Variants in DAPK1 observed in about 807,000 individuals in gnomAD.
The protein encoded by DAPK1 is death associated protein kinase 1.
Under a neutral mutation model 144.9 loss-of-function variants are expected in DAPK1, and 56 were observed. The ratio of observed to expected loss-of-function variants is 0.39; its 90% CI spans 0.31 to 0.48. The LOEUF is 0.48. Ranked by LOEUF, DAPK1 falls within the 20% of genes least tolerant of loss-of-function variation. The probability of loss-of-function intolerance (pLI) is 0.95; values close to 1 mark genes in which losing one functional copy is unlikely to be tolerated. For synonymous variants in DAPK1, 690 were observed against 749.0 expected (o/e 0.92, Z 1.29); for missense variants, 1,454 against 1,875.4 (o/e 0.78, Z 4.15).
chr9:87,696,202 G>A (rs979483588), intron 21 of DAPK1, among the ~76,000 whole-genome samples: 3 of 151,584 alleles, frequency 2.0e-5, no homozygotes, highest in Non-Finnish European at 4.4e-5. Flanking sequence ...TAAGCACCCA[G>A]GCATGCACAT....
intron 2 of DAPK1, among the ~76,000 whole-genome samples, chr9:87,516,211 T>G (rs1440355567): frequency 6.6e-6 from 1 of 152,146 alleles, no homozygotes; most frequent in Non-Finnish European, 1.5e-5. Context: ...ATTACTCCAA[T>G]TTTTCCCTTG....
rs190201454 is a variant in DAPK1 at position 87,701,485 on chromosome 9, G to A, written c.2871+1248G>A. On this transcript the variant is annotated intron_variant, in intron 24 of 25. Transcript: ENST00000408954. The stretch of plus-strand genomic sequence containing the variant: ...AATTTTTTTCTAGCAAACAAATTAA[G>A]TAAACAAAGTTGAAAGGTGAAATAG... 1.1e-4 allele frequency among the ~76,000 whole-genome samples: 17 copies of A among 152,164 alleles called. No homozygotes were observed. In the East Asian group the frequency reaches 2.3e-3, roughly 21 times the overall value.
At chr9:87,583,494 A>G (rs1196816879) in intron 2 of DAPK1, among the ~76,000 whole-genome samples, 2 of 152,256 alleles carry the variant, frequency 1.3e-5, no homozygotes, top group African/African-American at 4.8e-5. Flanking sequence ...AATGAATATC[A>G]GTACTGTGAT....
chr9:87,583,506 A>G (rs1827826103), intron 2 of DAPK1, among the ~76,000 whole-genome samples: 1 of 152,256 alleles, frequency 6.6e-6, no homozygotes, highest in African/African-American at 2.4e-5. Flanking sequence ...TACTGTGATC[A>G]CTTGAAAGTG....
intron 2 of DAPK1, among the ~76,000 whole-genome samples, chr9:87,578,530 C>G (rs1477911960): frequency 6.6e-6 from 1 of 152,302 alleles, no homozygotes; most frequent in Admixed American, 6.5e-5. Context: ...AAGTTATAAA[C>G]ATTTTAAAGG....
chr9:87,628,516 T>C (rs1009764954), intron 3 of DAPK1, among the ~76,000 whole-genome samples: 4 of 152,166 alleles, frequency 2.6e-5, no homozygotes, highest in African/African-American at 9.7e-5. Context: ...TTCAGCAAAG[T>C]CCTCCAGTGA....
chr9:87,582,645 C>T (rs981100038), intron 2 of DAPK1, among the ~76,000 whole-genome samples: 14 of 151,688 alleles, frequency 9.2e-5, no homozygotes, highest in Non-Finnish European at 1.8e-4. Context: ...ACCTCCGCCT[C>T]CCAGGTTCAA....
At chr9:87,587,195 G>A (rs1010493421) in intron 2 of DAPK1, among the ~76,000 whole-genome samples, 2 of 152,188 alleles carry the variant, frequency 1.3e-5, no homozygotes, top group African/African-American at 4.8e-5. Flanking sequence ...GAAACTCTCC[G>A]CCATGTTCTC....
Position 87,632,810 on chromosome 9 carries a change from A to C in DAPK1, c.285-5133A>C, listed in dbSNP as rs923487688. The C allele has an allele frequency of 1.5e-5, 15 of 980,580 alleles. 1 individual carries two copies. The African/African-American group carries it at 2.6e-4, about 17-fold the overall frequency. The allele number at this position is 980,580 out of a possible 1,614,324, so 60.7% of individuals were successfully genotyped here. On this transcript the variant is annotated intron_variant, in intron 3 of 25. Coordinates refer to ENST00000408954, the MANE Select transcript of DAPK1 (RefSeq NM_004938.4). ...AGAATCAGTGTATATGTAGGGATGAAGGAGGTTGAGTACATATGTAGGTAT... is the reference window on the plus strand; with the variant it reads ...AGAATCAGTGTATATGTAGGGATGACGGAGGTTGAGTACATATGTAGGTAT...
intron 2 of DAPK1, among the ~76,000 whole-genome samples, chr9:87,542,046 G>A (rs561141583): frequency 1.3e-4 from 20 of 152,264 alleles, no homozygotes; most frequent in African/African-American, 4.1e-4. Flanking sequence ...ATAAACCCTC[G>A]GTTCTGATGA....
chr9:87,705,066 A>G (rs1406096265), intron 25 of DAPK1, among the ~76,000 whole-genome samples: 1 of 151,870 alleles, frequency 6.6e-6, no homozygotes, highest in African/African-American at 2.4e-5. Flanking sequence ...TCATGGCAGC[A>G]TATCCTTTCA....
intron 2 of DAPK1, chr9:87,499,393 A>G: frequency 2.1e-6 from 1 of 472,118 alleles, no homozygotes; most frequent in East Asian, 2.9e-5. Context: ...GGACAAAATC[A>G]GATTTAATTG....
At chr9:87,668,790 G>A in intron 19 of DAPK1, 116 bp downstream of exon 19, 5 of 755,422 alleles carry the variant, frequency 6.6e-6, no homozygotes, top group Non-Finnish European at 9.5e-6. Context: ...CAGGTTTTAG[G>A]AACAGTGGTC....
At chr9:87,508,407 A>T (rs1194601117) in intron 2 of DAPK1, among the ~76,000 whole-genome samples, 1 of 145,338 alleles carries the variant, frequency 6.9e-6, no homozygotes, top group African/African-American at 2.6e-5. Context: ...CAGTGGCGCG[A>T]TTTCGGCTCA....
intron 3 of DAPK1, among the ~76,000 whole-genome samples, chr9:87,606,943 C>T (rs1677294951): frequency 6.6e-6 from 1 of 151,564 alleles, no homozygotes; most frequent in African/African-American, 2.4e-5. Flanking sequence ...GCATCTCTGG[C>T]TTCTACCTAC....
At chr9:87,586,145 A>T (rs944771260) in intron 2 of DAPK1, among the ~76,000 whole-genome samples, 2 of 152,066 alleles carry the variant, frequency 1.3e-5, no homozygotes, top group African/African-American at 4.8e-5. Context: ...AAAATTAGCC[A>T]GATATGATGG....
At chr9:87,683,867 G>T (rs3128482) in intron 20 of DAPK1, among the ~76,000 whole-genome samples, 70,641 of 152,116 alleles carry the variant, frequency 0.46, 17,265 homozygotes, top group East Asian at 0.72. Context: ...CAGCCGTGGG[G>T]TCTGGGGAGG....
chr9:87,583,712 A>C (rs563219632), intron 2 of DAPK1, among the ~76,000 whole-genome samples: 28 of 151,748 alleles, frequency 1.8e-4, no homozygotes, highest in African/African-American at 6.5e-4. Flanking sequence ...GTCACTAGAA[A>C]CTCCACCCAA....
At chr9:87,511,092 G>T (rs1332840541) in intron 2 of DAPK1, among the ~76,000 whole-genome samples, 1 of 152,112 alleles carries the variant, frequency 6.6e-6, no homozygotes, top group Non-Finnish European at 1.5e-5. Flanking sequence ...TGCGGGTGAG[G>T]GCTCACTTCT....
Sources: allele counts gnomAD v4.1 joint callset (sites outside exome capture counted in the v4.1 genomes callset), GRCh38; gene constraint gnomAD v4.1.1; transcripts MANE v1.5; gene names NCBI Gene and HGNC (gene_info 2026-07-23, HGNC 2026-07-21).